Variants in CAMTA1 observed in about 807,000 individuals in gnomAD.
CAMTA1 encodes the protein calmodulin-binding transcription activator 1.
Under a neutral mutation model 170.9 loss-of-function variants are expected in CAMTA1, and 27 were observed. The ratio of observed to expected loss-of-function variants is 0.16; its 90% CI spans 0.12 to 0.22. The LOEUF (loss-of-function observed/expected upper bound fraction) is 0.22, where lower values mean the gene tolerates loss of function less well. Among genes scored for constraint, CAMTA1 ranks in the 10% least tolerant of loss-of-function variants. CAMTA1 has a pLI of 1.00. For missense variants in CAMTA1, 1,619 were observed against 2,217.2 expected (o/e 0.73, Z 5.42); for synonymous variants, 833 against 891.5 (o/e 0.93, Z 1.17).
chr1:7,148,207 C>T (rs1162812995), intron 4 of CAMTA1, among the ~76,000 whole-genome samples: 3 of 150,966 alleles, frequency 2.0e-5, no homozygotes, highest in Non-Finnish European at 4.4e-5. Context: ...ACCATGTAGA[C>T]ACACACTCAT....
chr1:7,406,659 T>G (rs2090315872), intron 5 of CAMTA1, among the ~76,000 whole-genome samples: 1 of 151,576 alleles, frequency 6.6e-6, no homozygotes, highest in African/African-American at 2.4e-5. Context: ...CGCACACACA[T>G]GCACACAGAG....
In CAMTA1 at chr1:6,897,345, G is replaced by A. The variant is rs193250105; in HGVS notation, c.234+72135G>A. Among the ~76,000 whole-genome samples, 13 of 152,332 alleles carry A rather than the reference G, an allele frequency of 8.5e-5. No homozygotes were observed. The East Asian group carries it at 1.9e-3, about 23-fold the overall frequency. On this transcript the variant is annotated intron_variant, in intron 3 of 22. Transcript: ENST00000303635. ...GCAGATTGTGTTCCCATGGTGACAA[G>A]CTGCTGAGCCACTGTGTGTTTAGGG... is the stretch of plus-strand genomic sequence containing the variant.
intron 2 of CAMTA1, among the ~76,000 whole-genome samples, chr1:6,824,663 G>A (rs1450370504): frequency 1.3e-5 from 2 of 152,006 alleles, no homozygotes; most frequent in African/African-American, 4.8e-5. Flanking sequence ...TAGTATTTAC[G>A]AACAAAATAG....
chr1:6,835,689 G>C (rs954511295), intron 3 of CAMTA1, among the ~76,000 whole-genome samples: 2 of 152,196 alleles, frequency 1.3e-5, no homozygotes, highest in African/African-American at 4.8e-5. Context: ...TGTAGGCTCA[G>C]CTTTGCCATC....
chr1:7,699,897 G>A (rs76876411), intron 11 of CAMTA1, among the ~76,000 whole-genome samples: 181 of 152,250 alleles, frequency 1.2e-3, no homozygotes, highest in African/African-American at 4.2e-3. Context: ...TTTTTGAGCT[G>A]TAAGAGTTCT....
intron 11 of CAMTA1, among the ~76,000 whole-genome samples, chr1:7,727,185 C>T (rs1279485069): frequency 1.3e-5 from 2 of 148,532 alleles, no homozygotes; most frequent in Admixed American, 1.4e-4. Context: ...TGCAGTGGCG[C>T]GATCTCGGCT....
chr1:7,746,789 A>G (rs2096860261), intron 18 of CAMTA1, among the ~76,000 whole-genome samples: 1 of 152,178 alleles, frequency 6.6e-6, no homozygotes, highest in Admixed American at 6.5e-5. Context: ...GGCGCGTGCC[A>G]CCACACCCGC....
intron 3 of CAMTA1, among the ~76,000 whole-genome samples, chr1:7,066,724 C>T (rs1709009484): frequency 1.3e-5 from 2 of 152,210 alleles, no homozygotes; most frequent in South Asian, 2.1e-4. Flanking sequence ...ACAACATCTG[C>T]GACACGGGAC....
intron 6 of CAMTA1, among the ~76,000 whole-genome samples, chr1:7,558,902 C>G (rs2094919326): frequency 6.6e-6 from 1 of 152,150 alleles, no homozygotes; most frequent in Non-Finnish European, 1.5e-5. Context: ...AGAAAAAGAC[C>G]CATAATCCTG....
chr1:6,891,250 T>C (rs528285173), intron 3 of CAMTA1, among the ~76,000 whole-genome samples: 1 of 152,348 alleles, frequency 6.6e-6, no homozygotes, highest in Non-Finnish European at 1.5e-5. Context: ...CCTGGTTTCT[T>C]GTGCAATCCC....
chr1:7,623,122 C>T (rs1171770146), intron 6 of CAMTA1, among the ~76,000 whole-genome samples: 2 of 152,218 alleles, frequency 1.3e-5, no homozygotes, highest in African/African-American at 2.4e-5. Flanking sequence ...CACTTCATGC[C>T]ATCCAGAACC....
chr1:6,890,579 T>TG (rs201357443), intron 3 of CAMTA1, among the ~76,000 whole-genome samples: 10,067 of 151,846 alleles, frequency 0.066, 535 homozygotes, highest in East Asian at 0.25. Flanking sequence ...TTTTTTTTTT[T>TG]TTGTTGAGGT....
chr1:7,196,940 A>C (rs954875121), intron 4 of CAMTA1, among the ~76,000 whole-genome samples: 8 of 152,218 alleles, frequency 5.3e-5, no homozygotes, highest in Non-Finnish European at 5.9e-5. Context: ...CTGTAACAAA[A>C]GTGTTCCTAG....
intron 1 of CAMTA1, among the ~76,000 whole-genome samples, chr1:6,796,330 G>GT (rs747952032): frequency 1.3e-5 from 2 of 151,836 alleles, no homozygotes; most frequent in Non-Finnish European, 2.9e-5. Flanking sequence ...CGGAGATGGA[G>GT]TTTCGCCGTG....
rs998612170 is a variant in CAMTA1, at chr1:6,970,468, G to A, written c.235-120836G>A. 2.0e-5 allele frequency among the ~76,000 whole-genome samples: 3 copies of A among 152,078 alleles called. No individual in the cohort carries two copies. The highest frequency in any genetic ancestry group is 7.2e-5 in the African/African-American group (3 of 41,394). On this transcript the variant is annotated intron_variant, in intron 3 of 22. Transcript: ENST00000303635. The surrounding 1 kb of genome is among the most constrained non-coding windows in gnomAD (Gnocchi z 4.4). ...GGTCCCAGACCAGCATCGGTGAGGA[G>A]GTAATGGGGGTTCTTGCCAGGCCAG... is the stretch of plus-strand genomic sequence containing the variant.
At chr1:6,856,413 C>T (rs543352940) in intron 3 of CAMTA1, among the ~76,000 whole-genome samples, 11 of 143,020 alleles carry the variant, frequency 7.7e-5, no homozygotes, top group East Asian at 6.7e-4. Flanking sequence ...GTGTTTGTTA[C>T]GAGATACATA....
chr1:7,726,298 A>G (rs780546714), intron 11 of CAMTA1, among the ~76,000 whole-genome samples: 20 of 152,238 alleles, frequency 1.3e-4, no homozygotes, highest in South Asian at 6.2e-4. Flanking sequence ...TGGGGAGGAC[A>G]TGGCTGATAG....
rs1221112899 is a variant in CAMTA1 at position 7,547,716 on chromosome 1, A to G, written c.510+79815A>G. Among the ~76,000 whole-genome samples, 3 of 143,716 alleles carry G rather than the reference A, an allele frequency of 2.1e-5. No homozygotes were observed. The highest frequency in any genetic ancestry group is 7.9e-5 in the African/African-American group (3 of 37,756). 94.3% of individuals were successfully genotyped at this position (143,716 alleles called of 152,430 possible). Reference sequence around the variant, plus strand: ...CTTTTTTGCAATTTTTTTTTTTTTTAGCTCATCAGCTACCGTTAGTGTTAG... The same window carrying G: ...CTTTTTTGCAATTTTTTTTTTTTTTGGCTCATCAGCTACCGTTAGTGTTAG... On this transcript the variant is annotated intron_variant, in intron 6 of 22. Transcript: ENST00000303635. This position sits in a 1 kb window ranked among gnomAD's most constrained non-coding sequence, Gnocchi z 5.7.
chr1:7,215,455 G>A (rs927437942), intron 4 of CAMTA1, among the ~76,000 whole-genome samples: 14 of 152,202 alleles, frequency 9.2e-5, no homozygotes, highest in Admixed American at 3.9e-4. Flanking sequence ...GCGCAGTGGC[G>A]CGATCTCAGC....
Sources: gnomAD v4.1 joint callset for allele counts (sites outside exome capture counted in the v4.1 genomes callset) on GRCh38, gnomAD v4.1.1 for gene constraint, Gnocchi (gnomAD v3.1) non-coding constraint, MANE v1.5 for transcripts, NCBI Gene and HGNC (gene_info 2026-07-23, HGNC 2026-07-21) for gene names.